Variants in SAP130 observed in about 807,000 individuals in gnomAD.
SAP130 encodes the protein Sin3A associated protein 130, also known as histone deacetylase complex subunit SAP130.
In SAP130, 16 loss-of-function variants were observed where a neutral mutation model predicts 103.2. The observed-to-expected ratio is 0.16, with a 90% CI of 0.10 to 0.24. The LOEUF (loss-of-function observed/expected upper bound fraction) is 0.24. Ranked by LOEUF, SAP130 falls within the 10% of genes least tolerant of loss-of-function variation. SAP130 has a pLI of 1.00. For synonymous variants in SAP130, 477 were observed against 497.0 expected (o/e 0.96, Z 0.53); for missense variants, 990 against 1,359.7 (o/e 0.73, Z 4.28).
rs1291610888 is a variant in SAP130, at chr2:127,953,035, T to C, written c.2422+1951A>G. Among the ~76,000 whole-genome samples the C allele has an allele frequency of 6.6e-6, 1 of 152,214 alleles. No individual in the cohort carries two copies. The highest frequency in any genetic ancestry group is 1.5e-5 in the Non-Finnish European group (1 of 68,034). ...TTTTCTATTCCAAAAGCCAGCCTCA[T>C]AGATCCAACTATTTATTTGATGTCT... is the stretch of plus-strand genomic sequence containing the variant. On this transcript the variant is annotated intron_variant, in intron 16 of 20. Transcript: ENST00000643581. The surrounding 1 kb of genome is among the most constrained non-coding windows in gnomAD (Gnocchi z 4.0).
chr2:127,983,567 G>T (rs79053211), intron 14 of SAP130, among the ~76,000 whole-genome samples: 4 of 152,138 alleles, frequency 2.6e-5, no homozygotes, highest in Non-Finnish European at 2.9e-5. Context: ...AAGCAAGAAG[G>T]CGTGGAGAAA....
chr2:127,954,859 T>A, intron 16 of SAP130, 127 bp downstream of exon 16: 1 of 680,998 alleles, frequency 1.5e-6, no homozygotes, highest in Non-Finnish European at 2.5e-6. Flanking sequence ...ACTAATGACA[T>A]GCAACATCTA....
intron 11 of SAP130, among the ~76,000 whole-genome samples, chr2:127,995,992 T>C (rs1404588923): frequency 6.6e-6 from 1 of 152,166 alleles, no homozygotes; most frequent in African/African-American, 2.4e-5. Context: ...CTCGGAATCC[T>C]TTCAGATAGC....
chr2:127,995,315 A>G (rs1423276730), intron 11 of SAP130, among the ~76,000 whole-genome samples: 2 of 152,230 alleles, frequency 1.3e-5, no homozygotes, highest in African/African-American at 2.4e-5. Flanking sequence ...GGAATCTAGA[A>G]TATCTCGTCA....
At chr2:127,958,685 A>AGAGAGAGAGAGAGAGAG (rs1680024449) in intron 15 of SAP130, among the ~76,000 whole-genome samples, 3 of 112,034 alleles carry the variant, frequency 2.7e-5, no homozygotes, top group African/African-American at 9.8e-5. Context: ...AGAGAGAGAG[A>AGAGAGAGAGAGAGAGAG]ATCTCTCACT....
intron 7 of SAP130, among the ~76,000 whole-genome samples, chr2:128,009,425 C>T (rs534526719): frequency 1.3e-5 from 2 of 152,212 alleles, no homozygotes; most frequent in East Asian, 1.9e-4. Flanking sequence ...GAGCCATGAT[C>T]GTGCCACTAT....
intron 14 of SAP130, among the ~76,000 whole-genome samples, chr2:127,985,143 T>A (rs1682278956): frequency 6.6e-6 from 1 of 152,256 alleles, no homozygotes. Flanking sequence ...CTTGTGTGTT[T>A]ACAACTTTTT....
At chr2:127,972,320 A>C (rs1681145735) in intron 15 of SAP130, among the ~76,000 whole-genome samples, 1 of 152,236 alleles carries the variant, frequency 6.6e-6, no homozygotes, top group Non-Finnish European at 1.5e-5. Flanking sequence ...AAAGACAAAA[A>C]CAGAAACAGA....
intron 15 of SAP130, among the ~76,000 whole-genome samples, chr2:127,963,986 T>C (rs929717120): frequency 1.3e-5 from 2 of 152,222 alleles, no homozygotes; most frequent in Non-Finnish European, 2.9e-5. Context: ...GCAGGCAAAC[T>C]AGAAATAGGA....
intron 14 of SAP130, among the ~76,000 whole-genome samples, chr2:127,980,742 G>C (rs188775099): frequency 3.3e-5 from 5 of 152,166 alleles, no homozygotes; most frequent in African/African-American, 9.6e-5. Context: ...CCGGGAGTTC[G>C]AGACCAGCCG....
At chr2:127,952,469 AATCT>A in intron 16 of SAP130, among the ~76,000 whole-genome samples, 1 of 123,128 alleles carries the variant, frequency 8.1e-6, no homozygotes, top group Non-Finnish European at 1.7e-5. Flanking sequence ...AAAAAAAAAA[AATCT>A]TCTTGACATC....
intron 13 of SAP130, among the ~76,000 whole-genome samples, chr2:127,987,246 G>A (rs967454900): frequency 3.3e-5 from 5 of 152,122 alleles, no homozygotes; most frequent in Admixed American, 2.6e-4. Flanking sequence ...ATACAGTGGT[G>A]CAATCTCAGC....
intron 2 of SAP130, among the ~76,000 whole-genome samples, chr2:128,023,695 T>C (rs900189433): frequency 2.0e-5 from 3 of 152,048 alleles, no homozygotes; most frequent in Non-Finnish European, 4.4e-5. Context: ...CAGAATGGTG[T>C]GAACCTGGGA....
intron 2 of SAP130, among the ~76,000 whole-genome samples, chr2:128,022,997 T>C (rs1685256660): frequency 1.4e-5 from 2 of 142,336 alleles, no homozygotes; most frequent in South Asian, 4.5e-4. Context: ...ACCTGGCTAA[T>C]TTTTTTTTTT....
At chr2:127,970,957 C>CT (rs879518027) in intron 15 of SAP130, among the ~76,000 whole-genome samples, 254 of 144,894 alleles carry the variant, frequency 1.8e-3, no homozygotes, top group East Asian at 0.01. Flanking sequence ...ATCTTTCTCT[C>CT]TTTTTTTTTT....
At position 127,996,467 on chromosome 2, in the gene SAP130, G is replaced by A. The variant is rs746829063; in HGVS notation, c.1238C>T (p.Thr413Met). The A allele has an allele frequency of 6.9e-6, 11 of 1,587,806 alleles. No individual in the cohort carries two copies. In the East Asian group the frequency reaches 7.0e-5, roughly 10 times the overall value. Residue 413 changes from threonine (T) to methionine (M), a missense_variant, in exon 11 of 21, where the codon ACG becomes ATG. Around this residue, in one of 6 missense-constraint regions of SAP130, gnomAD observed 336 missense variants for 520.1 expected, o/e 0.65. Transcript: ENST00000643581. The surrounding 1 kb of genome is among the most constrained non-coding windows in gnomAD (Gnocchi z 4.3). ...TGGCTGGATCCGAGGAGAAGTGTGC[G>A]TGATCTGCTGGGGCACCACCTTGGC... The part of the protein sequence containing the change: ...PVAKVVPQQI[T>M]HTSPRIQPDY...
intron 15 of SAP130, among the ~76,000 whole-genome samples, chr2:127,974,469 T>A (rs1318844651): frequency 2.1e-5 from 1 of 47,020 alleles, no homozygotes; most frequent in Admixed American, 2.7e-4. Context: ...ATGCAGCACA[T>A]AAGGATTTTC....
intron 14 of SAP130, among the ~76,000 whole-genome samples, chr2:127,982,471 G>A (rs143188874): frequency 4.6e-5 from 7 of 152,278 alleles, no homozygotes; most frequent in Admixed American, 3.9e-4. Flanking sequence ...TGCAGACTGT[G>A]GAAGTTGTCT....
Position 127,996,436 on chromosome 2 carries a change from G to A in SAP130, c.1269C>T (p.Tyr423=), listed in dbSNP as rs766756890. The A allele has an allele frequency of 6.2e-7, 1 of 1,608,012 alleles. No individual in the cohort carries two copies. ...GAATCAGGCTACTCCTCTCGGCAGG[G>A]TAGTCTGGCTGGATCCGAGGAGAAG... The part of the protein sequence containing the change: ...THTSPRIQPD[Y]PAERSSLIPI... Residue 423 remains tyrosine, a synonymous_variant, in exon 11 of 21, where the codon TAC becomes TAT. Transcript: ENST00000643581. The surrounding 1 kb of genome is among the most constrained non-coding windows in gnomAD (Gnocchi z 4.3).
Sources: allele counts gnomAD v4.1 joint callset (sites outside exome capture counted in the v4.1 genomes callset), GRCh38; gene constraint gnomAD v4.1.1; regional missense constraint gnomAD v4.1.1; non-coding constraint Gnocchi (gnomAD v3.1); transcripts MANE v1.5; gene names NCBI Gene and HGNC (gene_info 2026-07-23, HGNC 2026-07-21).